MAK: variants seen among roughly 807,000 people sequenced by gnomAD.
The protein encoded by MAK is male germ cell associated kinase.
Under a neutral mutation model 82.6 loss-of-function variants are expected in MAK, and 65 were observed. The ratio of observed to expected loss-of-function variants is 0.79; its 90% CI spans 0.64 to 0.97. The LOEUF is 0.97. Ranked by LOEUF, MAK falls within the 50% of genes least tolerant of loss-of-function variation. The pLI, the probability that MAK is intolerant of heterozygous loss-of-function variation, is 0.00. For synonymous variants in MAK, 250 were observed against 274.2 expected, an observed-to-expected ratio of 0.91 and a Z score of 0.87; for missense variants, 703 against 780.2, an observed-to-expected ratio of 0.90 and a Z score of 1.18.
At chr6:10,815,912 GTATATATATATATATATATATATA>G (rs3064109) in intron 4 of MAK, among the ~76,000 whole-genome samples, 3,297 of 108,398 alleles carry the variant, frequency 0.03, 348 homozygotes, top group African/African-American at 0.14. Context: ...GCTTTATACA[GTATATATATATATATATATATATA>G]TATATATATA....
chr6:10,836,155 C>T (rs1327117152), intron 1 of MAK, among the ~76,000 whole-genome samples: 1 of 152,174 alleles, frequency 6.6e-6, no homozygotes, highest in African/African-American at 2.4e-5. Context: ...GGAACACGAC[C>T]ATTTCCCAGC....
At chr6:10,805,669 C>T (rs1349519255) in intron 6 of MAK, among the ~76,000 whole-genome samples, 1 of 151,968 alleles carries the variant, frequency 6.6e-6, no homozygotes, top group Non-Finnish European at 1.5e-5. Context: ...TTGGTTTCAT[C>T]ATATGTTGTT....
At chr6:10,769,028 A>G (rs2127509362) in intron 14 of MAK, among the ~76,000 whole-genome samples, 1 of 152,326 alleles carries the variant, frequency 6.6e-6, no homozygotes, top group South Asian at 2.1e-4. Context: ...TGGGCAACAT[A>G]GCAAGACCCT....
At chr6:10,770,342 T>C in intron 13 of MAK, 112 bp from the exon 14 acceptor site, 1 of 1,248,488 alleles carries the variant, frequency 8.0e-7, no homozygotes, top group Non-Finnish European at 1.2e-6. Flanking sequence ...GCATCTACTA[T>C]GTTTTAGGCA....
chr6:10,796,710 G>A (rs1775595160), intron 8 of MAK, among the ~76,000 whole-genome samples: 1 of 151,458 alleles, frequency 6.6e-6, no homozygotes, highest in African/African-American at 2.4e-5. Context: ...GGAGGGTGAG[G>A]CATGAGAATC....
rs1308727945 is a variant in MAK, at chr6:10,763,971, T to G, written c.*481A>C. 1.3e-5 allele frequency: 2 copies of G among 155,722 alleles called. No homozygotes were observed. Among genetic ancestry groups the G allele is most frequent in the Admixed American group, 6.4e-5 (1 of 15,642 alleles). The allele number at this position is 155,722 out of a possible 1,614,324, so 9.6% of individuals were successfully genotyped here. On this transcript the variant is annotated 3_prime_UTR_variant, in exon 15 of 15. Transcript: ENST00000354489. ...TTGACAAAATGGCAGCGCAGAGCCT[T>G]AGTCAAATAAGAACCACAGCTGACA...
At chr6:10,835,346 G>A (rs774147853) in intron 1 of MAK, among the ~76,000 whole-genome samples, 1 of 152,110 alleles carries the variant, frequency 6.6e-6, no homozygotes, top group East Asian at 1.9e-4. Context: ...TGCAACCTCC[G>A]CCTCCCAGGT....
rs1775928006 is a variant in MAK, at chr6:10,800,446, T to C, written c.831+1446A>G. Among the ~76,000 whole-genome samples the C allele has an allele frequency of 6.6e-6, 1 of 151,832 alleles. No individual in the cohort carries two copies. Among genetic ancestry groups the C allele is most frequent in the South Asian group, 2.1e-4 (1 of 4,836 alleles). Reference sequence around the variant, plus strand: ...AATCTTCCTTTTGTGGTTTCTTCTATTATTTTTATACCCGTGTTTTTTCAC... The same window carrying C: ...AATCTTCCTTTTGTGGTTTCTTCTACTATTTTTATACCCGTGTTTTTTCAC... On this transcript the variant is annotated intron_variant, in intron 8 of 14. Transcript: ENST00000354489. The surrounding 1 kb of genome is among the most constrained non-coding windows in gnomAD (Gnocchi z 4.2).
chr6:10,833,357 C>T (rs1164081681), intron 1 of MAK, among the ~76,000 whole-genome samples: 3 of 152,114 alleles, frequency 2.0e-5, no homozygotes, highest in South Asian at 4.1e-4. Flanking sequence ...GTAATCCCAA[C>T]GCTTTGGGAG....
intron 1 of MAK, 104 bp downstream of exon 1, chr6:10,838,399 G>A (rs1179118743): frequency 1.3e-5 from 2 of 152,310 alleles, no homozygotes; most frequent in African/African-American, 4.8e-5. Context: ...GGGCGCCGAG[G>A]GGACATGCCC....
rs114612097 is a variant in MAK, at chr6:10,784,051, T to G, written c.1465+373A>C. On this transcript the variant is annotated intron_variant, in intron 11 of 14. Transcript: ENST00000354489. The stretch of plus-strand genomic sequence containing the variant: ...ACAAAAAAACAAACAAACAAAAAAA[T>G]GTACACCAGATCATTTAGGAAAGAG... Among the ~76,000 whole-genome samples the G allele has an allele frequency of 8.4e-3, 1,268 of 151,668 alleles. 20 individuals carry two copies. Among genetic ancestry groups the G allele is most frequent in the African/African-American group, 0.028 (1,167 of 41,338 alleles).
At position 10,793,907 on chromosome 6, in the gene MAK, A is replaced by G. The variant is rs551410718; in HGVS notation, c.1144-2060T>C. On this transcript the variant is annotated intron_variant, in intron 9 of 14. Coordinates refer to ENST00000354489, the MANE Select transcript of MAK (RefSeq NM_001242957.3). The surrounding 1 kb of genome is among the most constrained non-coding windows in gnomAD (Gnocchi z 4.6). ...TCGGAGGTGATTCGCCCTGCTCTAT[A>G]TTCCCTGCCTGCTGTCTGCCTCTAG... 1.3e-5 allele frequency among the ~76,000 whole-genome samples: 2 copies of G among 152,138 alleles called. No homozygotes were observed. The highest frequency in any genetic ancestry group is 2.9e-5 in the Non-Finnish European group (2 of 68,038).
intron 4 of MAK, among the ~76,000 whole-genome samples, chr6:10,816,464 T>A (rs1581746424): frequency 6.6e-6 from 1 of 152,286 alleles, no homozygotes; most frequent in East Asian, 1.9e-4. Context: ...ATCTTGATAT[T>A]TCATGTAAGT....
intron 4 of MAK, among the ~76,000 whole-genome samples, chr6:10,817,129 A>AGTGTGTGTGTGTGT (rs60627741): frequency 3.8e-4 from 57 of 149,952 alleles, no homozygotes; most frequent in Admixed American, 1.9e-3. Context: ...CTTGAGCGAG[A>AGTGTGTGTGTGTGT]GTGTGTGTGT....
chr6:10,776,720 C>T lies in MAK; in HGVS notation c.1466-1261G>A, dbSNP rs1345492374. Among the ~76,000 whole-genome samples the T allele has an allele frequency of 6.6e-6, 1 of 152,190 alleles. No individual in the cohort carries two copies. Among genetic ancestry groups the T allele is most frequent in the East Asian group, 1.9e-4 (1 of 5,202 alleles). ...TTATCAGTTCTCTAAGGAAACACTT[C>T]ATCAGGCAAGTAATTTCCCTTTCTT... On this transcript the variant is annotated intron_variant, in intron 11 of 14. Coordinates refer to ENST00000354489, the MANE Select transcript of MAK (RefSeq NM_001242957.3). The surrounding 1 kb of genome is among the most constrained non-coding windows in gnomAD (Gnocchi z 4.3).
At chr6:10,773,894 T>C (rs1773233571) in intron 12 of MAK, among the ~76,000 whole-genome samples, 1 of 151,894 alleles carries the variant, frequency 6.6e-6, no homozygotes, top group African/African-American at 2.4e-5. Flanking sequence ...AGAGACAGGG[T>C]TTCACCATGT....
rs750794210 is a variant in MAK at position 10,796,160 on chromosome 6, T to G, written c.981A>C (p.Ile327=). Residue 327 remains isoleucine (I), a synonymous_variant, in exon 9 of 15, where the codon ATA becomes ATC. Transcript: ENST00000354489. ...VEVEPKPLPD[I]IDQVVGQPQP... is the part of the protein sequence containing the mutation. ...GGGGTTGTCCAACAACCTGATCGAT[T>G]ATATCCGGCAGAGGCTTAGGCTCTA... is the stretch of plus-strand genomic sequence containing the variant. The G allele has an allele frequency of 5.6e-6, 9 of 1,614,192 alleles. No individual in the cohort carries two copies. Among genetic ancestry groups the G allele is most frequent in the Non-Finnish European group, 1.7e-6 (2 of 1,180,032 alleles).
At chr6:10,769,146 C>A (rs1422632314) in intron 14 of MAK, among the ~76,000 whole-genome samples, 1 of 152,032 alleles carries the variant, frequency 6.6e-6, no homozygotes, top group Non-Finnish European at 1.5e-5. Flanking sequence ...CCCAGGAGTT[C>A]GAGGCTGCAG....
Position 10,801,905 on chromosome 6 carries a change from G to A in MAK, c.818C>T (p.Pro273Leu), listed in dbSNP as rs149734152. 2.4e-5 allele frequency: 38 copies of A among 1,613,912 alleles called. No homozygotes were observed. The highest frequency in any genetic ancestry group is 1.6e-4 in the Middle Eastern group (1 of 6,084). ...GACTCCTCTTACCTGGCTTGCTGTC[G>A]GTCGTTTCTTTGGATCCCAATTCAA... ...EMLNWDPKKRPTASQALKHPY... is the reference protein window; with the variant it reads ...EMLNWDPKKRLTASQALKHPY... Residue 273 changes from proline (P) to leucine (L), a missense_variant, in exon 8 of 15, where the codon CCG becomes CTG. Pro to Leu is a moderately conservative substitution (Grantham distance 98, BLOSUM62 -3). Coordinates refer to ENST00000354489, the MANE Select transcript of MAK (RefSeq NM_001242957.3).
Sources: gnomAD v4.1 joint callset for allele counts (sites outside exome capture counted in the v4.1 genomes callset) on GRCh38, gnomAD v4.1.1 for gene constraint, Gnocchi (gnomAD v3.1) non-coding constraint, MANE v1.5 for transcripts, NCBI Gene and HGNC (gene_info 2026-07-23, HGNC 2026-07-21) for gene names.